The following TIAM1 variants were observed in gnomAD, a reference collection of about 807,000 sequenced individuals.
The protein encoded by TIAM1 is rho guanine nucleotide exchange factor TIAM1.
A neutral mutation model predicts 163.5 loss-of-function variants in TIAM1; 65 were observed. That is an observed-to-expected ratio of 0.40 (90% CI 0.33 to 0.49). TIAM1 has a LOEUF of 0.49. Among genes scored for constraint, TIAM1 ranks in the 20% least tolerant of loss-of-function variants. TIAM1 has a pLI of 0.77. For missense variants in TIAM1, 1,789 were observed against 2,044.7 expected, an observed-to-expected ratio of 0.87 and a Z score of 2.41; for synonymous variants, 833 against 810.1, an observed-to-expected ratio of 1.03 and a Z score of -0.48.
chr21:31,155,539 C>T (rs1310962091), intron 16 of TIAM1, among the ~76,000 whole-genome samples: 1 of 152,040 alleles, frequency 6.6e-6, no homozygotes, highest in South Asian at 2.1e-4. Flanking sequence ...GAGTCTCGCT[C>T]TGTCACCCAG....
intron 1 of TIAM1, among the ~76,000 whole-genome samples, chr21:31,513,911 G>A (rs1365531634): frequency 6.6e-6 from 1 of 152,168 alleles, no homozygotes; most frequent in African/African-American, 2.4e-5. Flanking sequence ...GGAGGCTCAG[G>A]CAGGAGAATC....
At chr21:31,455,062 C>G (rs2147335393) in intron 2 of TIAM1, among the ~76,000 whole-genome samples, 1 of 152,152 alleles carries the variant, frequency 6.6e-6, no homozygotes, top group African/African-American at 2.4e-5. Flanking sequence ...GGGTAGATCA[C>G]CTGAGGTCAG....
rs1373442504 is a variant in TIAM1, at chr21:31,251,782, G to A, written c.1371C>T (p.Ala457=). 12 of 1,608,096 alleles carry A rather than the reference G, an allele frequency of 7.5e-6. No homozygotes were observed. ...VHKKNKKVES[A]TRRKWKHYWV... is the part of the protein sequence containing the mutation. ...AGTAGTGCTTCCACTTCCTCCGGGT[G>A]GCTGACTCCACCTTCTTGTTCTTCT... Residue 457 remains alanine, a synonymous_variant, in exon 5 of 28, where the codon GCC becomes GCT. Coordinates refer to ENST00000541036, the MANE Select transcript of TIAM1 (RefSeq NM_001353694.2).
chr21:31,505,730 G>A (rs939274895), intron 1 of TIAM1, among the ~76,000 whole-genome samples: 10 of 152,180 alleles, frequency 6.6e-5, no homozygotes, highest in South Asian at 2.1e-4. Context: ...GGCCGGGCAC[G>A]GCATCAGATT....
chr21:31,245,244 C>T (rs868801245), intron 6 of TIAM1, among the ~76,000 whole-genome samples: 1 of 152,086 alleles, frequency 6.6e-6, no homozygotes, highest in African/African-American at 2.4e-5. Flanking sequence ...TCACATCCAA[C>T]TCATAGCCCT....
chr21:31,144,016 G>C (rs1020027006), intron 20 of TIAM1, among the ~76,000 whole-genome samples: 2 of 152,080 alleles, frequency 1.3e-5, no homozygotes, highest in Admixed American at 6.5e-5. Flanking sequence ...TTATAGGTGT[G>C]AGCCACCGCA....
At chr21:31,197,758 A>G (rs184056225) in intron 12 of TIAM1, among the ~76,000 whole-genome samples, 68 of 152,298 alleles carry the variant, frequency 4.5e-4, no homozygotes, top group Middle Eastern at 3.4e-3. Context: ...CGCTAACTCC[A>G]TGAGACAAGC....
intron 1 of TIAM1, among the ~76,000 whole-genome samples, chr21:31,464,942 G>A (rs1051797604): frequency 7.2e-5 from 11 of 152,028 alleles, no homozygotes; most frequent in African/African-American, 1.4e-4. Flanking sequence ...CCCAGGAGGC[G>A]GAGGTTGCAA....
chr21:31,251,089 T>C (rs1281171145), intron 5 of TIAM1, among the ~76,000 whole-genome samples: 1 of 152,220 alleles, frequency 6.6e-6, no homozygotes, highest in Non-Finnish European at 1.5e-5. Flanking sequence ...TTCATAGAAT[T>C]CAAGCTAATA....
chr21:31,464,689 AAAAATTAGC>A (rs2045458585), intron 1 of TIAM1, among the ~76,000 whole-genome samples: 5 of 152,118 alleles, frequency 3.3e-5, no homozygotes, highest in African/African-American at 1.2e-4. Flanking sequence ...CTAAAGATAC[AAAAATTAGC>A]CAGGCGTGGG....
chr21:31,472,441 C>T (rs531302176), intron 1 of TIAM1, among the ~76,000 whole-genome samples: 5 of 152,192 alleles, frequency 3.3e-5, no homozygotes, highest in Admixed American at 2.0e-4. Flanking sequence ...AGAGGAGAAT[C>T]GCTTAAACAC....
intron 4 of TIAM1, among the ~76,000 whole-genome samples, chr21:31,258,964 G>A (rs908703987): frequency 6.6e-6 from 1 of 152,090 alleles, no homozygotes; most frequent in African/African-American, 2.4e-5. Context: ...GGGATCCATG[G>A]AGACCCTGTC....
Position 31,135,999 on chromosome 21 carries a change from C to T in TIAM1, c.3817G>A (p.Val1273Met), listed in dbSNP as rs1010879297. Residue 1273 changes from valine to methionine, a missense_variant, in exon 23 of 28, where the codon GTG becomes ATG. Physicochemically the swap from Val to Met is conservative, Grantham distance 21 (BLOSUM62 1). Around this residue, in one of 5 missense-constraint regions of TIAM1, gnomAD observed 415 missense variants for 439.2 expected, o/e 0.94. Transcript: ENST00000541036. ...SMGDLLLHTT[V>M]IWLNPPASLG... The stretch of plus-strand genomic sequence containing the variant: ...GAGGCCGGCGGGTTCAGCCAGATCA[C>T]GGTAGTGTGCAAAAGCAGGTCTCCC... The T allele has an allele frequency of 1.8e-5, 29 of 1,614,032 alleles. No individual in the cohort carries two copies. The highest frequency in any genetic ancestry group is 1.6e-4 in the Middle Eastern group (1 of 6,084).
At chr21:31,444,210 T>C (rs1402196703) in intron 2 of TIAM1, among the ~76,000 whole-genome samples, 2 of 152,210 alleles carry the variant, frequency 1.3e-5, no homozygotes, top group Non-Finnish European at 2.9e-5. Context: ...ACAACTTTAA[T>C]GCACTCTTAA....
chr21:31,194,099 T>C (rs1223726943), intron 13 of TIAM1, among the ~76,000 whole-genome samples: 1 of 151,546 alleles, frequency 6.6e-6, no homozygotes, highest in Non-Finnish European at 1.5e-5. Context: ...GGCACCCCTC[T>C]CTCTCTGCAG....
chr21:31,278,936 T>C (rs1479325784), intron 2 of TIAM1, among the ~76,000 whole-genome samples: 1 of 152,158 alleles, frequency 6.6e-6, no homozygotes, highest in Non-Finnish European at 1.5e-5. Context: ...AATGGACTCA[T>C]TACGGTGCCA....
intron 2 of TIAM1, among the ~76,000 whole-genome samples, chr21:31,397,208 T>C (rs1257260673): frequency 2.0e-5 from 3 of 152,194 alleles, no homozygotes; most frequent in Non-Finnish European, 2.9e-5. Flanking sequence ...CTAAGCACTA[T>C]GTTTGGCTCT....
Position 31,217,563 on chromosome 21 carries a change from C to G in TIAM1, c.2132G>C (p.Ser711Thr). ...TGCTCTGGAACCTACCTGATTGATGCTTGGCCGTCCCTGCTTCTTTTTGGA... is the reference window on the plus strand; with the variant it reads ...TGCTCTGGAACCTACCTGATTGATGGTTGGCCGTCCCTGCTTCTTTTTGGA... ...TTSKKKQGRP[S>T]INQVFGEGTE... Residue 711 changes from serine (S) to threonine (T), a missense_variant, in exon 9 of 28, where the codon AGC becomes ACC. Physicochemically the swap from Ser to Thr is moderately conservative, Grantham distance 58. This residue lies in a region of TIAM1 where 456 missense variants were observed against 586.6 expected (regional missense o/e 0.78). Coordinates refer to ENST00000541036, the MANE Select transcript of TIAM1 (RefSeq NM_001353694.2). The G allele has an allele frequency of 6.2e-7, 1 of 1,613,798 alleles. No individual in the cohort carries two copies. Among genetic ancestry groups the G allele is most frequent in the Non-Finnish European group, 8.5e-7 (1 of 1,179,840 alleles).
chr21:31,124,543 T>C lies in TIAM1; in HGVS notation c.4285A>G (p.Arg1429Gly), dbSNP rs770980436. The part of the protein sequence containing the change: ...GKRLCALKGA[R>G]PAMSRAVSAP... ...GTACCTGCCCTGCTCATGGCCGGCCTGGCCCCCTTCAGTGCACACAATCTT... is the reference window on the plus strand; with the variant it reads ...GTACCTGCCCTGCTCATGGCCGGCCCGGCCCCCTTCAGTGCACACAATCTT... The change falls in exon 27 of 28, where the codon AGG (arginine) becomes GGG (glycine). Residue 1429 changes from arginine to glycine, a missense_variant. Transcript: ENST00000541036. The C allele has an allele frequency of 3.1e-6, 5 of 1,613,390 alleles. No homozygotes were observed. The South Asian group carries it at 5.5e-5, about 18-fold the overall frequency.
Sources: gnomAD v4.1 joint callset for allele counts (sites outside exome capture counted in the v4.1 genomes callset) on GRCh38, gnomAD v4.1.1 for gene constraint, gnomAD v4.1.1 regional missense constraint, MANE v1.5 for transcripts, NCBI Gene and HGNC (gene_info 2026-07-23, HGNC 2026-07-21) for gene names.